Variants in GPHN observed in about 807,000 individuals in gnomAD.
GPHN encodes the protein gephyrin.
In GPHN, 17 loss-of-function variants were observed where a neutral mutation model predicts 95.5. The observed-to-expected ratio is 0.18, with a 90% CI of 0.12 to 0.27. The LOEUF is 0.27. Ranked by LOEUF, GPHN falls within the 10% of genes least tolerant of loss-of-function variation. The pLI is 1.00. For synonymous variants in GPHN, 320 were observed against 322.5 expected (o/e 0.99, Z 0.08); for missense variants, 660 against 978.1 (o/e 0.67, Z 4.34).
chr14:66,842,409 T>G (rs766956136), intron 4 of GPHN, among the ~76,000 whole-genome samples: 3 of 152,124 alleles, frequency 2.0e-5, no homozygotes, highest in Non-Finnish European at 4.4e-5. Context: ...TTTGCCGTGG[T>G]GTAAACATAT....
At chr14:66,678,681 A>C (rs1037252719) in intron 1 of GPHN, among the ~76,000 whole-genome samples, 3 of 152,108 alleles carry the variant, frequency 2.0e-5, no homozygotes, top group African/African-American at 7.2e-5. Flanking sequence ...ATAACTGTGT[A>C]TATGGTTAGC....
intron 3 of GPHN, among the ~76,000 whole-genome samples, chr14:66,800,878 T>G (rs1258067527): frequency 6.6e-6 from 1 of 152,152 alleles, no homozygotes; most frequent in Non-Finnish European, 1.5e-5. Flanking sequence ...GGCATGTTTC[T>G]TATTCTTTTT....
At chr14:67,157,177 CAG>C (rs964556824) in intron 18 of GPHN, among the ~76,000 whole-genome samples, 9 of 151,690 alleles carry the variant, frequency 5.9e-5, no homozygotes, top group Admixed American at 1.3e-4. Flanking sequence ...ATATTGATAA[CAG>C]AGAAAATTCT....
intron 5 of GPHN, among the ~76,000 whole-genome samples, chr14:66,893,584 C>T (rs1398201790): frequency 6.6e-6 from 1 of 152,212 alleles, no homozygotes; most frequent in African/African-American, 2.4e-5. Context: ...TCCCTGTTTG[C>T]ACATGACATG....
the GPHN span, among the ~76,000 whole-genome samples, chr14:67,290,718 A>G: frequency 1.3e-5 from 2 of 151,952 alleles, no homozygotes; most frequent in Admixed American, 6.6e-5. Context: ...TTTTTTTAGT[A>G]GAGACAGGGC....
At chr14:67,468,611 C>A in the GPHN span, among the ~76,000 whole-genome samples, 118 of 152,232 alleles carry the variant, frequency 7.8e-4, no homozygotes, top group African/African-American at 2.8e-3. Context: ...TCGAGAAAGG[C>A]AGGCGCCCAC....
chr14:67,422,798 C>A, the GPHN span, among the ~76,000 whole-genome samples: 432 of 150,530 alleles, frequency 2.9e-3, 2 homozygotes, highest in African/African-American at 0.01. Context: ...TGGCTCAGTG[C>A]TGCCATCAAA....
chr14:66,854,140 T>G (rs531188845), intron 4 of GPHN, among the ~76,000 whole-genome samples: 4 of 152,178 alleles, frequency 2.6e-5, no homozygotes, highest in Non-Finnish European at 5.9e-5. Flanking sequence ...GAATATTTGT[T>G]AAAATCAAAG....
the GPHN span, among the ~76,000 whole-genome samples, chr14:67,483,428 T>A: frequency 6.6e-6 from 1 of 152,196 alleles, no homozygotes; most frequent in African/African-American, 2.4e-5. Context: ...GACTGCAGGC[T>A]CCTCTGAGGG....
intron 5 of GPHN, among the ~76,000 whole-genome samples, chr14:66,908,866 C>T (rs2065525196): frequency 6.6e-6 from 1 of 150,578 alleles, no homozygotes; most frequent in Non-Finnish European, 1.5e-5. Context: ...AAAAACTGAC[C>T]AGCACTTACC....
intron 17 of GPHN, among the ~76,000 whole-genome samples, chr14:67,127,368 G>A (rs1030778134): frequency 3.4e-5 from 4 of 117,388 alleles, no homozygotes; most frequent in East Asian, 2.5e-4. Context: ...TTGTTTTGCC[G>A]AATTGACATA....
At chr14:67,363,238 GAAAC>G in the GPHN span, among the ~76,000 whole-genome samples, 34 of 150,444 alleles carry the variant, frequency 2.3e-4, no homozygotes, top group Middle Eastern at 3.4e-3. Context: ...GTTTAAAAAC[GAAAC>G]AAACAGTCAG....
chr14:66,619,184 A>G (rs1315205457), intron 1 of GPHN, among the ~76,000 whole-genome samples: 1 of 152,182 alleles, frequency 6.6e-6, no homozygotes, highest in East Asian at 1.9e-4. Context: ...TACAAATAAA[A>G]TGTACATGTG....
intron 2 of GPHN, among the ~76,000 whole-genome samples, chr14:66,768,830 G>A (rs2059056873): frequency 6.6e-6 from 1 of 151,972 alleles, no homozygotes; most frequent in Non-Finnish European, 1.5e-5. Context: ...TTCATGGGGT[G>A]AAGGATGCAT....
intron 9 of GPHN, among the ~76,000 whole-genome samples, chr14:67,001,808 A>G (rs999948889): frequency 2.0e-5 from 3 of 151,722 alleles, no homozygotes; most frequent in African/African-American, 4.8e-5. Context: ...ATATATTGCT[A>G]TGGTTCATCT....
the GPHN span, among the ~76,000 whole-genome samples, chr14:67,436,355 C>T: frequency 3.3e-5 from 5 of 152,186 alleles, no homozygotes; most frequent in African/African-American, 9.7e-5. Context: ...AGCTTTTATT[C>T]GTTGCTTTCT....
the GPHN span, among the ~76,000 whole-genome samples, chr14:67,668,317 T>C: frequency 6.6e-6 from 1 of 152,194 alleles, no homozygotes; most frequent in Non-Finnish European, 1.5e-5. Context: ...GTAGAAATTA[T>C]GGCCATAGGT....
chr14:67,044,163 C>T (rs1385388790), intron 10 of GPHN, among the ~76,000 whole-genome samples: 1 of 151,826 alleles, frequency 6.6e-6, no homozygotes, highest in Non-Finnish European at 1.5e-5. Context: ...ATGGTGAAAC[C>T]CCGTCTCTAC....
the GPHN span, chr14:67,241,746 C>T: frequency 6.6e-6 from 1 of 152,134 alleles, no homozygotes; most frequent in Non-Finnish European, 1.5e-5. Flanking sequence ...TCCCTCGGAG[C>T]AACGCTGCCT....
Sources: allele counts gnomAD v4.1 joint callset (sites outside exome capture counted in the v4.1 genomes callset), GRCh38; gene constraint gnomAD v4.1.1; transcripts MANE v1.5; gene names NCBI Gene and HGNC (gene_info 2026-07-23, HGNC 2026-07-21).